Variants in PCM1 observed in about 807,000 individuals in gnomAD.
The protein encoded by PCM1 is pericentriolar material 1 protein.
PCM1 carries 157 observed loss-of-function variants against 241.9 expected under a neutral mutation model. That is an observed-to-expected ratio of 0.65 (90% confidence interval 0.57 to 0.74). PCM1 has a LOEUF of 0.74. PCM1 is among the 30% of genes least tolerant of loss of function. The probability of loss-of-function intolerance (pLI) is 0.00; values close to 1 mark genes in which losing one functional copy is unlikely to be tolerated. For missense variants in PCM1, 3,478 were observed against 2,360.1 expected (o/e 1.47, Z -9.81); for synonymous variants, 1,085 against 784.9 (o/e 1.38, Z -6.39).
chr8:18,014,108 AAAAC>A (rs1231610257), intron 35 of PCM1, 72 bp downstream of exon 35: 20 of 834,554 alleles, frequency 2.4e-5, no homozygotes, highest in Non-Finnish European at 3.6e-5. Flanking sequence ...AAAAAAAAAA[AAAAC>A]ACACACAGAA....
intron 23 of PCM1, 184 bp from the exon 24 acceptor site, chr8:17,980,407 T>C (rs984758553): frequency 4.6e-6 from 2 of 438,666 alleles, no homozygotes; most frequent in African/African-American, 4.0e-5. Flanking sequence ...TACTGTTAGC[T>C]CATGCTTCCA....
At chr8:17,980,868 G>A (rs1417540804) in intron 24 of PCM1, 113 bp downstream of exon 24, 15 of 701,122 alleles carry the variant, frequency 2.1e-5, no homozygotes, top group Non-Finnish European at 3.4e-5. Flanking sequence ...TCATGTGGAA[G>A]GTTTTATAGT....
rs138150049 is a variant in PCM1, at chr8:18,014,885, G to A, written c.5841+45G>A. 1,759 of 1,477,612 alleles carry A rather than the reference G, an allele frequency of 1.2e-3. 3 individuals are homozygous for A. Among genetic ancestry groups the A allele is most frequent in the African/African-American group, 4.4e-3 (314 of 72,074 alleles). 91.5% of individuals were successfully genotyped at this position (1,477,612 alleles called of 1,614,324 possible). On this transcript the variant is annotated intron_variant, in intron 36 of 38. Coordinates refer to ENST00000325083, the MANE Select transcript of PCM1 (RefSeq NM_006197.4). ...CCAAATATTTTTACTTTTCATTTCT[G>A]TGCATATTTCTTCATTTTCAGATTA...
chr8:18,018,234 A>G (rs770309767), intron 36 of PCM1, among the ~76,000 whole-genome samples: 1 of 152,152 alleles, frequency 6.6e-6, no homozygotes, highest in African/African-American at 2.4e-5. Flanking sequence ...GAGCTTCCTG[A>G]CCCTTCTAAA....
intron 18 of PCM1, 60 bp from the exon 19 acceptor site, chr8:17,965,939 C>T (rs2074712438): frequency 8.5e-7 from 1 of 1,179,780 alleles, no homozygotes; most frequent in African/African-American, 1.5e-5. Context: ...GAGTTTATTG[C>T]TGTATTTTAA....
At chr8:17,936,855 T>C (rs377413162) in intron 3 of PCM1, among the ~76,000 whole-genome samples, 13 of 152,190 alleles carry the variant, frequency 8.5e-5, no homozygotes, top group African/African-American at 2.2e-4. Flanking sequence ...CTTGGAAATA[T>C]TCAGATTGAT....
At position 18,014,659 on chromosome 8, in the gene PCM1, C is replaced by G; in HGVS notation, c.5660C>G (p.Ala1887Gly). The change falls in exon 36 of 39, where the codon GCC becomes GGC. Residue 1887 changes from alanine (A) to glycine (G), a missense_variant. By Grantham distance (60) the Ala-to-Gly change is moderately conservative. Coordinates refer to ENST00000325083, the MANE Select transcript of PCM1 (RefSeq NM_006197.4). ...GATGAGCAACCTTTAAATAGTGCTG[C>G]CCATAAGGAGTCACCTCCTACTGTT... ...LEDEQPLNSA[A>G]HKESPPTVDS... The G allele has an allele frequency of 6.2e-7, 1 of 1,613,540 alleles. No homozygotes were observed.
At chr8:17,983,816 T>G (rs1384592070) in intron 24 of PCM1, among the ~76,000 whole-genome samples, 3 of 152,286 alleles carry the variant, frequency 2.0e-5, no homozygotes, top group African/African-American at 7.2e-5. Flanking sequence ...GTAAATATTT[T>G]TTTAACTCCT....
chr8:17,965,774 C>CTT (rs1381707627), intron 18 of PCM1, among the ~76,000 whole-genome samples: 1 of 152,148 alleles, frequency 6.6e-6, no homozygotes, highest in East Asian at 1.9e-4. Context: ...ATGGACACTG[C>CTT]TGTGTAAAAA....
At chr8:17,991,894 CTGCTTATGTCTT>C (rs2084778378) in intron 28 of PCM1, among the ~76,000 whole-genome samples, 194 bp downstream of exon 28, 1 of 152,108 alleles carries the variant, frequency 6.6e-6, no homozygotes, top group Non-Finnish European at 1.5e-5. Context: ...CCACTGTATC[CTGCTTATGTCTT>C]TGCATACTCA....
At chr8:17,974,243 G>C (rs576449708) in intron 23 of PCM1, among the ~76,000 whole-genome samples, 2 of 152,228 alleles carry the variant, frequency 1.3e-5, no homozygotes, top group Non-Finnish European at 2.9e-5. Flanking sequence ...GGTGCTACCA[G>C]AGAAGATTTA....
intron 23 of PCM1, among the ~76,000 whole-genome samples, chr8:17,974,423 G>A (rs1190552467): frequency 6.6e-6 from 1 of 152,136 alleles, no homozygotes; most frequent in African/African-American, 2.4e-5. Flanking sequence ...ATCTGATAGG[G>A]CAATACTTCA....
intron 26 of PCM1, among the ~76,000 whole-genome samples, chr8:17,986,845 C>T (rs549519601): frequency 8.6e-5 from 13 of 151,738 alleles, no homozygotes; most frequent in South Asian, 2.1e-4. Flanking sequence ...GTAAGAGTTT[C>T]GTAGTTGATT....
At chr8:17,966,811 G>T (rs1270211428) in intron 20 of PCM1, among the ~76,000 whole-genome samples, 169 bp from the exon 21 acceptor site, 1 of 152,218 alleles carries the variant, frequency 6.6e-6, no homozygotes, top group African/African-American at 2.4e-5. Context: ...TTGTTCCAGA[G>T]GGAAAGTTAT....
At chr8:17,935,054 G>C (rs1354676039) in intron 2 of PCM1, among the ~76,000 whole-genome samples, 1 of 151,632 alleles carries the variant, frequency 6.6e-6, no homozygotes, top group Non-Finnish European at 1.5e-5. Context: ...CCCTAGTCCT[G>C]CTTCTCTTTC....
At chr8:18,023,642 GCCT>G (rs2093936960) in intron 36 of PCM1, among the ~76,000 whole-genome samples, 1 of 152,096 alleles carries the variant, frequency 6.6e-6, no homozygotes, top group South Asian at 2.1e-4. Flanking sequence ...GATAAGCAAG[GCCT>G]CCTCCATTGA....
chr8:17,928,034 A>C (rs2057683500), intron 2 of PCM1: 1 of 151,854 alleles, frequency 6.6e-6, no homozygotes, highest in Non-Finnish European at 1.5e-5. Flanking sequence ...TAGCATGAGT[A>C]GAAGTGCGTG....
At chr8:17,943,367 T>TA (rs1273634109) in intron 6 of PCM1, among the ~76,000 whole-genome samples, 3 of 152,090 alleles carry the variant, frequency 2.0e-5, no homozygotes, top group African/African-American at 7.2e-5. Context: ...GTAGAGTGAA[T>TA]AAAGTAGCTG....
chr8:17,944,400 A>G (rs1248699060), intron 6 of PCM1, among the ~76,000 whole-genome samples: 1 of 152,152 alleles, frequency 6.6e-6, no homozygotes, highest in Non-Finnish European at 1.5e-5. Context: ...GTACATAATT[A>G]TCTGAAGCTG....
Sources: allele counts gnomAD v4.1 joint callset (sites outside exome capture counted in the v4.1 genomes callset), GRCh38; gene constraint gnomAD v4.1.1; transcripts MANE v1.5; gene names NCBI Gene and HGNC (gene_info 2026-07-23, HGNC 2026-07-21).